The following EXOC6B variants were observed in gnomAD, a reference collection of about 807,000 sequenced individuals.
EXOC6B encodes exocyst complex component 6B.
EXOC6B carries 54 observed loss-of-function variants against 113.5 expected under a neutral mutation model. The observed-to-expected ratio is 0.48, with a 90% confidence interval of 0.38 to 0.60. The LOEUF is 0.60. EXOC6B is among the 20% of genes least tolerant of loss of function. The pLI is 0.00. For synonymous variants in EXOC6B, 357 were observed against 339.0 expected (o/e 1.05, Z -0.58); for missense variants, 797 against 977.5 (o/e 0.82, Z 2.46).
chr2:72,656,581 T>C (rs1386919068), intron 6 of EXOC6B, among the ~76,000 whole-genome samples: 1 of 152,154 alleles, frequency 6.6e-6, no homozygotes, highest in African/African-American at 2.4e-5. Flanking sequence ...TTAGAAAAAG[T>C]TTATTTGAAA....
chr2:72,222,794 T>C (rs2104433910), intron 20 of EXOC6B, among the ~76,000 whole-genome samples: 1 of 152,304 alleles, frequency 6.6e-6, no homozygotes, highest in East Asian at 1.9e-4. Flanking sequence ...AAATAACTTA[T>C]CACAAGCTAC....
intron 6 of EXOC6B, among the ~76,000 whole-genome samples, chr2:72,600,856 A>C (rs1670381291): frequency 6.6e-6 from 1 of 152,170 alleles, no homozygotes; most frequent in African/African-American, 2.4e-5. Context: ...ACTGGAATTC[A>C]TTACAATTTA....
At chr2:72,335,693 C>T (rs1475351021) in intron 19 of EXOC6B, among the ~76,000 whole-genome samples, 4 of 151,910 alleles carry the variant, frequency 2.6e-5, no homozygotes, top group Non-Finnish European at 5.9e-5. Flanking sequence ...AACCTCACTG[C>T]AAAACTTAGG....
At chr2:72,446,911 C>T (rs1696616742) in intron 18 of EXOC6B, among the ~76,000 whole-genome samples, 1 of 152,128 alleles carries the variant, frequency 6.6e-6, no homozygotes, top group African/African-American at 2.4e-5. Context: ...ACCGTCCTGG[C>T]CAACATGATG....
chr2:72,214,934 T>C (rs1438779748), intron 20 of EXOC6B, among the ~76,000 whole-genome samples: 18 of 152,184 alleles, frequency 1.2e-4, no homozygotes, highest in Admixed American at 1.2e-3. Context: ...ATAGTTTCTG[T>C]CAAGACTGAC....
chr2:72,202,345 C>T (rs528949441), intron 20 of EXOC6B, among the ~76,000 whole-genome samples: 2 of 152,162 alleles, frequency 1.3e-5, no homozygotes, highest in African/African-American at 2.4e-5. Flanking sequence ...AAAAACTGCC[C>T]TTTGTGAACT....
chr2:72,675,100 T>C (rs745699647), intron 6 of EXOC6B, among the ~76,000 whole-genome samples: 4 of 152,268 alleles, frequency 2.6e-5, no homozygotes, highest in Non-Finnish European at 4.4e-5. Flanking sequence ...TATCTTGCTC[T>C]ACTATGATTT....
intron 7 of EXOC6B, among the ~76,000 whole-genome samples, chr2:72,565,604 G>A (rs1433959644): frequency 6.6e-6 from 1 of 151,590 alleles, no homozygotes; most frequent in African/African-American, 2.4e-5. Context: ...CAATAATGAA[G>A]AAAAAAACCA....
chr2:72,253,870 G>C (rs1356443373), intron 20 of EXOC6B, among the ~76,000 whole-genome samples: 3 of 152,122 alleles, frequency 2.0e-5, no homozygotes, highest in Non-Finnish European at 2.9e-5. Flanking sequence ...AAGAAAAAAA[G>C]ATATGTTCGG....
chr2:72,616,089 G>A (rs775056632), intron 6 of EXOC6B, among the ~76,000 whole-genome samples: 11 of 152,004 alleles, frequency 7.2e-5, no homozygotes, highest in Non-Finnish European at 1.6e-4. Flanking sequence ...TTAGAAAAGA[G>A]TCAAAATCTA....
intron 19 of EXOC6B, among the ~76,000 whole-genome samples, chr2:72,375,657 G>T (rs568248444): frequency 3.3e-5 from 5 of 152,008 alleles, no homozygotes; most frequent in Non-Finnish European, 7.4e-5. Flanking sequence ...ACTGTGGCTG[G>T]AGTAGTACTT....
In EXOC6B at chr2:72,641,790, A is replaced by C. The variant is rs1045562776; in HGVS notation, c.670-66122T>G. The stretch of plus-strand genomic sequence containing the variant: ...GGGTCCCTGACCCCTGTGTAGCCTA[A>C]CTGGGAGACACCTCCCAGTAGCGGC... On this transcript the variant is annotated intron_variant, in intron 6 of 21. Coordinates refer to ENST00000272427, the MANE Select transcript of EXOC6B (RefSeq NM_015189.3). Among the ~76,000 whole-genome samples the C allele has an allele frequency of 3.3e-5, 5 of 152,226 alleles. No individual in the cohort carries two copies. The East Asian group carries it at 9.6e-4, about 29-fold the overall frequency.
intron 16 of EXOC6B, among the ~76,000 whole-genome samples, chr2:72,489,525 T>C (rs1699623441): frequency 6.6e-6 from 1 of 152,188 alleles, no homozygotes; most frequent in Admixed American, 6.5e-5. Context: ...ATTTGCTATA[T>C]ACCAGGCACA....
chr2:72,482,158 T>C (rs1156764949), intron 16 of EXOC6B, among the ~76,000 whole-genome samples: 1 of 152,182 alleles, frequency 6.6e-6, no homozygotes, highest in African/African-American at 2.4e-5. Context: ...TGCATGATTG[T>C]GTACATTAGA....
In EXOC6B at chr2:72,825,830, G is replaced by A. The variant is rs768477058; in HGVS notation, c.81C>T (p.Ser27=). Residue 27 remains serine, a synonymous_variant, in exon 1 of 22, where the codon AGC becomes AGT. Coordinates refer to ENST00000272427, the MANE Select transcript of EXOC6B (RefSeq NM_015189.3). The surrounding 1 kb of genome is among the most constrained non-coding windows in gnomAD (Gnocchi z 4.4). ...EHERILREIE[S]TDTACIGPTL... ...TGGGCCCGATGCAGGCCGTGTCAGT[G>A]CTCTCGATCTCTCGCAGGATCCGCT... 1 of 1,613,384 alleles carries A rather than the reference G, an allele frequency of 6.2e-7. No individual in the cohort carries two copies. The highest frequency in any genetic ancestry group is 8.5e-7 in the Non-Finnish European group (1 of 1,179,680).
At chr2:72,256,122 C>CGAGGGAGA (rs1264592940) in intron 20 of EXOC6B, among the ~76,000 whole-genome samples, 2 of 151,912 alleles carry the variant, frequency 1.3e-5, no homozygotes, top group African/African-American at 4.8e-5. Flanking sequence ...ATATAAAGAC[C>CGAGGGAGA]GAGGGAGAGA....
At chr2:72,564,007 G>C (rs757570831) in intron 7 of EXOC6B, among the ~76,000 whole-genome samples, 5 of 152,100 alleles carry the variant, frequency 3.3e-5, no homozygotes, top group Non-Finnish European at 7.4e-5. Flanking sequence ...CACTAGTGAA[G>C]GAAGGCAGGA....
intron 18 of EXOC6B, among the ~76,000 whole-genome samples, chr2:72,459,155 A>AC (rs1697454883): frequency 6.6e-6 from 1 of 152,022 alleles, no homozygotes; most frequent in Non-Finnish European, 1.5e-5. Context: ...AAATTCAACA[A>AC]CCTTCATGCT....
chr2:72,483,454 T>A (rs933880810), intron 16 of EXOC6B, among the ~76,000 whole-genome samples: 1 of 152,190 alleles, frequency 6.6e-6, no homozygotes, highest in African/African-American at 2.4e-5. Flanking sequence ...TTTTACATGA[T>A]ATTGGCAGTT....
Sources: gnomAD v4.1 joint callset for allele counts (sites outside exome capture counted in the v4.1 genomes callset) on GRCh38, gnomAD v4.1.1 for gene constraint, Gnocchi (gnomAD v3.1) non-coding constraint, MANE v1.5 for transcripts, NCBI Gene and HGNC (gene_info 2026-07-23, HGNC 2026-07-21) for gene names.